POU6F2: variants seen among roughly 807,000 people sequenced by gnomAD.
POU6F2 encodes the protein POU class 6 homeobox 2, also known as POU domain, class 6, transcription factor 2.
Under a neutral mutation model 71.3 loss-of-function variants are expected in POU6F2, and 31 were observed. The observed-to-expected ratio is 0.43, with a 90% CI of 0.33 to 0.59. POU6F2 has a LOEUF of 0.59. POU6F2 is among the 20% of genes least tolerant of loss of function. The pLI, the probability that POU6F2 is intolerant of heterozygous loss-of-function variation, is 0.04. For missense variants in POU6F2, 783 were observed against 856.8 expected, an observed-to-expected ratio of 0.91 and a Z score of 1.07; for synonymous variants, 347 against 355.7, an observed-to-expected ratio of 0.98 and a Z score of 0.27.
At chr7:39,213,906 G>A (rs977870579) in intron 4 of POU6F2, among the ~76,000 whole-genome samples, 2 of 152,158 alleles carry the variant, frequency 1.3e-5, no homozygotes, top group South Asian at 2.1e-4. Flanking sequence ...TTTCCTGTCC[G>A]TTATCTTCCT....
At chr7:39,416,090 G>GCACACACA (rs1245211895) in intron 6 of POU6F2, among the ~76,000 whole-genome samples, 11 of 69,962 alleles carry the variant, frequency 1.6e-4, no homozygotes, top group African/African-American at 4.3e-4. Flanking sequence ...TCTCTCGAAG[G>GCACACACA]CATACACACA....
intron 5 of POU6F2, among the ~76,000 whole-genome samples, chr7:39,376,916 A>G (rs1303951024): frequency 6.8e-6 from 1 of 147,498 alleles, no homozygotes; most frequent in African/African-American, 2.5e-5. Flanking sequence ...ATACTTATAT[A>G]TTTAATATTT....
chr7:39,302,725 AC>A (rs1784972325), intron 4 of POU6F2, among the ~76,000 whole-genome samples: 1 of 152,240 alleles, frequency 6.6e-6, no homozygotes, highest in South Asian at 2.1e-4. Flanking sequence ...AATATGCGTA[AC>A]CACATCCTTT....
intron 1 of POU6F2, among the ~76,000 whole-genome samples, chr7:39,070,292 C>CT (rs949380561): frequency 6.6e-6 from 1 of 152,028 alleles, no homozygotes; most frequent in African/African-American, 2.4e-5. Context: ...AGAATAACAG[C>CT]TTTTTTATGG....
chr7:39,175,912 T>C (rs540122288), intron 2 of POU6F2, among the ~76,000 whole-genome samples: 23 of 152,350 alleles, frequency 1.5e-4, no homozygotes, highest in African/African-American at 5.1e-4. Flanking sequence ...GGATTACCTG[T>C]GACTCAACAG....
In POU6F2 at chr7:39,433,256, G is replaced by A. The variant is rs772962833; in HGVS notation, c.1293G>A (p.Thr431=). ...ILPVINTQGI[T]LSPIKPGQQL... is the part of the protein sequence containing the mutation. Reference sequence around the variant, plus strand: ...CCGTGATCAACACCCAGGGCATCACGCTGTCACCCATCAAGCCCGGCCAGC... The same window carrying A: ...CCGTGATCAACACCCAGGGCATCACACTGTCACCCATCAAGCCCGGCCAGC... Residue 431 remains threonine, a synonymous_variant, in exon 7 of 10, where the codon ACG becomes ACA. Transcript: ENST00000518318. The A allele has an allele frequency of 5.6e-6, 9 of 1,613,758 alleles. No individual in the cohort carries two copies. The highest frequency in any genetic ancestry group is 7.6e-6 in the Non-Finnish European group (9 of 1,179,878).
intron 4 of POU6F2, among the ~76,000 whole-genome samples, chr7:39,334,587 G>A (rs187887080): frequency 2.6e-5 from 4 of 151,774 alleles, no homozygotes; most frequent in African/African-American, 4.8e-5. Context: ...TCCCCAGTCC[G>A]CAGCCATCTA....
chr7:39,120,443 A>G (rs943085353), intron 2 of POU6F2, among the ~76,000 whole-genome samples: 5 of 152,204 alleles, frequency 3.3e-5, no homozygotes, highest in Non-Finnish European at 7.3e-5. Flanking sequence ...AAGTAACCCA[A>G]TACTACACAT....
intron 4 of POU6F2, among the ~76,000 whole-genome samples, chr7:39,252,080 T>TA (rs1399200660): frequency 1.3e-5 from 2 of 151,924 alleles, no homozygotes; most frequent in African/African-American, 4.8e-5. Context: ...ATGCCGCGAG[T>TA]GTGTGGCTAT....
rs571164402 is a variant in POU6F2 at position 39,344,155 on chromosome 7, G to A, written c.972+4140G>A. ...CACGTACCATCTTGCATGGCAGGAC[G>A]CAGGATAATCTTTTCCTTTTCTTGT... is the stretch of plus-strand genomic sequence containing the variant. On this transcript the variant is annotated intron_variant, in intron 5 of 9. Coordinates refer to ENST00000518318, the MANE Select transcript of POU6F2 (RefSeq NM_001370959.1). Among the ~76,000 whole-genome samples the A allele has an allele frequency of 3.3e-5, 5 of 152,234 alleles. No individual in the cohort carries two copies. In the East Asian group the frequency reaches 9.6e-4, roughly 29 times the overall value.
intron 4 of POU6F2, among the ~76,000 whole-genome samples, chr7:39,247,286 T>C (rs886694556): frequency 1.3e-5 from 2 of 151,962 alleles, no homozygotes; most frequent in African/African-American, 4.8e-5. Context: ...CTGGTCAACA[T>C]GGCAAAACCT....
At chr7:39,371,940 G>T (rs1786619371) in intron 5 of POU6F2, among the ~76,000 whole-genome samples, 1 of 152,080 alleles carries the variant, frequency 6.6e-6, no homozygotes, top group Admixed American at 6.5e-5. Context: ...TTTCAAGACA[G>T]GATCTTGCTC....
intron 1 of POU6F2, among the ~76,000 whole-genome samples, chr7:39,059,876 A>G (rs913489290): frequency 3.3e-5 from 5 of 152,218 alleles, no homozygotes; most frequent in African/African-American, 1.2e-4. Context: ...TATACATGCT[A>G]CAACAGGGAT....
At chr7:39,340,147 C>A in intron 5 of POU6F2, 132 bp downstream of exon 5, 1 of 1,268,176 alleles carries the variant, frequency 7.9e-7, no homozygotes, top group Non-Finnish European at 1.0e-6. Context: ...TCAAATTGAT[C>A]TCTTAGACAT....
At chr7:39,235,510 C>G (rs1794659570) in intron 4 of POU6F2, among the ~76,000 whole-genome samples, 1 of 152,156 alleles carries the variant, frequency 6.6e-6, no homozygotes, top group Admixed American at 6.5e-5. Flanking sequence ...TCCTGCCAGT[C>G]CACTGGGCTT....
chr7:39,344,400 A>T (rs1785987571), intron 5 of POU6F2, among the ~76,000 whole-genome samples: 1 of 152,052 alleles, frequency 6.6e-6, no homozygotes, highest in Admixed American at 6.5e-5. Context: ...TCGGAATCCC[A>T]CCTCTGTTGC....
At chr7:39,230,515 G>A (rs1322930021) in intron 4 of POU6F2, among the ~76,000 whole-genome samples, 3 of 151,650 alleles carry the variant, frequency 2.0e-5, no homozygotes, top group Non-Finnish European at 4.4e-5. Flanking sequence ...GTTCAAGATA[G>A]CATGGTTTGA....
chr7:39,276,971 G>A (rs941479602), intron 4 of POU6F2, among the ~76,000 whole-genome samples: 16 of 151,880 alleles, frequency 1.1e-4, no homozygotes, highest in South Asian at 4.2e-4. Context: ...GTTAATGGGT[G>A]CAGCACACCA....
At chr7:39,425,295 T>C (rs1442015332) in intron 6 of POU6F2, among the ~76,000 whole-genome samples, 1 of 151,804 alleles carries the variant, frequency 6.6e-6, no homozygotes, top group Admixed American at 6.6e-5. Flanking sequence ...GTTTGGGAGT[T>C]TGGTATTTAA....
Sources: gnomAD v4.1 joint callset for allele counts (sites outside exome capture counted in the v4.1 genomes callset) on GRCh38, gnomAD v4.1.1 for gene constraint, MANE v1.5 for transcripts, NCBI Gene and HGNC (gene_info 2026-07-23, HGNC 2026-07-21) for gene names.